Variants in AVIL observed in about 807,000 individuals in gnomAD.
AVIL encodes the protein advillin.
A neutral mutation model predicts 109.9 loss-of-function variants in AVIL; 78 were observed. That is an observed-to-expected ratio of 0.71 (90% CI 0.59 to 0.86). The LOEUF is 0.86. Ranked by LOEUF, AVIL falls within the 40% of genes least tolerant of loss-of-function variation. AVIL has a pLI of 0.00. For missense variants in AVIL, 892 were observed against 1,016.5 expected, an observed-to-expected ratio of 0.88 and a Z score of 1.67; for synonymous variants, 367 against 379.1, an observed-to-expected ratio of 0.97 and a Z score of 0.37.
chr12:57,807,235 C>A, intron 13 of AVIL, 96 bp downstream of exon 13: 1 of 1,565,154 alleles, frequency 6.4e-7, no homozygotes, highest in Non-Finnish European at 8.7e-7. Flanking sequence ...GCCTGACTCC[C>A]TACCCCACCC....
intron 13 of AVIL, among the ~76,000 whole-genome samples, chr12:57,807,086 C>T (rs1228864990): frequency 6.6e-6 from 1 of 152,134 alleles, no homozygotes; most frequent in African/African-American, 2.4e-5. Flanking sequence ...GGTGGTGCAC[C>T]TGCATAGGTA....
At chr12:57,802,885 C>A in intron 16 of AVIL, 1 of 539,464 alleles carries the variant, frequency 1.9e-6, no homozygotes, top group South Asian at 2.8e-5. Flanking sequence ...GTAGCTCTTA[C>A]TTGACCATGA....
Position 57,810,705 on chromosome 12 carries a change from A to G in AVIL, c.558+111T>C, listed in dbSNP as rs1008341040. 9.2e-6 allele frequency: 13 copies of G among 1,412,028 alleles called. No homozygotes were observed. The Admixed American group carries it at 2.1e-4, about 23-fold the overall frequency. The allele number at this position is 1,412,028 out of a possible 1,614,324, so 87.5% of individuals were successfully genotyped here. A position where few individuals can be genotyped will look rare whatever the true frequency, so the allele number is the denominator to read the frequency against. On this transcript the variant is annotated intron_variant, in intron 6 of 19. Coordinates refer to ENST00000549994, the MANE Select transcript of AVIL (RefSeq NM_006576.4). Reference sequence around the variant, plus strand: ...AAACTCACACACTTGGCCTGTCTCCAAGACAGATTCTACTCAAAGGCAGGG... The same window carrying G: ...AAACTCACACACTTGGCCTGTCTCCGAGACAGATTCTACTCAAAGGCAGGG...
chr12:57,797,915 C>T lies in AVIL; in HGVS notation c.2427G>A (p.Gln809=). The change falls in exon 20 of 20, where the codon CAG becomes CAA. Residue 809 remains glutamine (Q), a synonymous_variant. Coordinates refer to ENST00000549994, the MANE Select transcript of AVIL (RefSeq NM_006576.4). ...GQFAALPGWK[Q]LQMKKEKGLF ...GCCCCTTTTCTTTCTTCATTTGGAGCTGTTTCCAGCCAGGCAGAGCTGCAA... is the reference window on the plus strand; with the variant it reads ...GCCCCTTTTCTTTCTTCATTTGGAGTTGTTTCCAGCCAGGCAGAGCTGCAA... 6.2e-7 allele frequency: 1 copy of T among 1,612,184 alleles called. No individual in the cohort carries two copies. The highest frequency in any genetic ancestry group is 8.5e-7 in the Non-Finnish European group (1 of 1,178,962).
At chr12:57,814,054 A>C in intron 3 of AVIL, 98 bp downstream of exon 3, 2 of 1,293,376 alleles carry the variant, frequency 1.5e-6, no homozygotes, top group Non-Finnish European at 2.2e-6. Flanking sequence ...GACCGATACC[A>C]GGGACTGACT....
In AVIL at chr12:57,803,597, C is replaced by T; in HGVS notation, c.1744G>A (p.Val582Met). 2 of 1,614,150 alleles carry T rather than the reference C, an allele frequency of 1.2e-6. No homozygotes were observed. Among genetic ancestry groups the T allele is most frequent in the Non-Finnish European group, 1.7e-6 (2 of 1,180,028 alleles). Reference protein sequence around the residue: ...SLLCDGSENTVAEGQEPAEFW... With the variant: ...SLLCDGSENTMAEGQEPAEFW... Reference sequence around the variant, plus strand: ...TCGGCTGGCTCCTGGCCCTCGGCCACAGTGTTCTCGCTGCCATCACAGAGA... The same window carrying T: ...TCGGCTGGCTCCTGGCCCTCGGCCATAGTGTTCTCGCTGCCATCACAGAGA... Residue 582 changes from valine to methionine, a missense_variant, in exon 15 of 20, where the codon GTG (valine) becomes ATG (methionine). Val to Met is a conservative substitution (Grantham distance 21). Coordinates refer to ENST00000549994, the MANE Select transcript of AVIL (RefSeq NM_006576.4).
At chr12:57,813,106 G>A in intron 4 of AVIL, 121 bp downstream of exon 4, 1 of 1,257,758 alleles carries the variant, frequency 8.0e-7, no homozygotes. Flanking sequence ...GTGGGTGGAA[G>A]TGACAGCTTT....
rs752861727 is a variant in AVIL, at chr12:57,808,267, A to T, written c.1121T>A (p.Val374Glu). The T allele has an allele frequency of 7.7e-5, 124 of 1,614,198 alleles. No individual in the cohort carries two copies. The South Asian group carries it at 9.8e-4, about 13-fold the overall frequency. The change falls in exon 11 of 20, where the codon GTG becomes GAG. Residue 374 changes from valine (V) to glutamate (E), a missense_variant. Coordinates refer to ENST00000549994, the MANE Select transcript of AVIL (RefSeq NM_006576.4). ...CTCTGGCTTGGTGTGTAGCAGAGTCACATCAAATTTATCCTGGAAAACTTT... is the reference window on the plus strand; with the variant it reads ...CTCTGGCTTGGTGTGTAGCAGAGTCTCATCAAATTTATCCTGGAAAACTTT... ...IAKVFQDKFD[V>E]TLLHTKPEVA...
At chr12:57,809,317 G>A (rs548042497) in intron 9 of AVIL, 96 of 468,882 alleles carry the variant, frequency 2.0e-4, no homozygotes, top group Non-Finnish European at 3.0e-4. Flanking sequence ...CTTTACAAAT[G>A]ATATTTAATC....
At position 57,811,122 on chromosome 12, in the gene AVIL, T is replaced by G. The variant is rs1372003738; in HGVS notation, c.344A>C (p.Lys115Thr). The G allele has an allele frequency of 1.2e-6, 2 of 1,614,070 alleles. No homozygotes were observed. Among genetic ancestry groups the G allele is most frequent in the Non-Finnish European group, 1.7e-6 (2 of 1,179,964 alleles). Residue 115 changes from lysine to threonine, a missense_variant, in exon 5 of 20, where the codon AAG (lysine) becomes ACG (threonine). By Grantham distance (78) the Lys-to-Thr change is moderately conservative. Transcript: ENST00000549994. Reference protein sequence around the residue: ...RGYFKQGIIYKQGGVASGMKH... With the variant: ...RGYFKQGIIYTQGGVASGMKH... Reference sequence around the variant, plus strand: ...CATCCCAGAGGCGACACCCCCCTGCTTGTAGCTAAGGGAACATCCATTCAG... The same window carrying G: ...CATCCCAGAGGCGACACCCCCCTGCGTGTAGCTAAGGGAACATCCATTCAG...
At position 57,803,385 on chromosome 12, in the gene AVIL, C is replaced by T; in HGVS notation, c.1824G>A (p.Gln608=). The change falls in exon 16 of 20, where the codon CAG becomes CAA. Residue 608 remains glutamine (Q), a synonymous_variant. Transcript: ENST00000549994. ...KTPYANDKRL[Q]QEILDVQSRL... ...GAGACTGGACATCTAGGATTTCCTG[C>T]TGAAGTCTGCAATATAGTCCATTTA... is the stretch of plus-strand genomic sequence containing the variant. 1 of 1,614,164 alleles carries T rather than the reference C, an allele frequency of 6.2e-7. No individual in the cohort carries two copies. Among genetic ancestry groups the T allele is most frequent in the East Asian group, 2.2e-5 (1 of 44,886 alleles).
At chr12:57,798,674 T>C (rs947182933) in intron 19 of AVIL, among the ~76,000 whole-genome samples, 1 of 151,720 alleles carries the variant, frequency 6.6e-6, no homozygotes, top group South Asian at 2.1e-4. Flanking sequence ...TGGAGTACAG[T>C]GGCACAATCT....
Position 57,801,180 on chromosome 12 carries a change from CTCT to C in AVIL, c.2181_2183del (p.Glu728del), listed in dbSNP as rs757576235. The C allele has an allele frequency of 1.5e-5, 25 of 1,613,708 alleles. No homozygotes were observed. The South Asian group carries it at 2.2e-4, about 14-fold the overall frequency. Reference sequence around the variant, plus strand: ...GCATGATAGCAGCAGCATCTCCCAGCTCTTCTTTTAATTGTTCATATGTTTTTC... The same window carrying C: ...GCATGATAGCAGCAGCATCTCCCAGCTCTTTTAATTGTTCATATGTTTTTC... On this transcript the variant is annotated inframe_deletion, in exon 18 of 20. Transcript: ENST00000549994.
At chr12:57,808,582 T>C in intron 9 of AVIL, 34 bp from the exon 10 acceptor site, 1 of 1,610,780 alleles carries the variant, frequency 6.2e-7, no homozygotes, top group Non-Finnish European at 8.5e-7. Context: ...GGCAGGTCAG[T>C]GGTGGAATAC....
At chr12:57,812,892 A>G (rs1956055098) in intron 4 of AVIL, among the ~76,000 whole-genome samples, 1 of 152,188 alleles carries the variant, frequency 6.6e-6, no homozygotes, top group African/African-American at 2.4e-5. Flanking sequence ...TGCTATGAAC[A>G]GTCTGGTCCA....
Position 57,810,946 on chromosome 12 carries a change from A to T in AVIL, c.448-20T>A. On this transcript the variant is annotated intron_variant, in intron 5 of 19. Coordinates refer to ENST00000549994, the MANE Select transcript of AVIL (RefSeq NM_006576.4). Reference sequence around the variant, plus strand: ...TTCCACCTGTCGATGAGAGGTAAACATTGTTCAGGAGGAATTCTTAGGTGC... The same window carrying T: ...TTCCACCTGTCGATGAGAGGTAAACTTTGTTCAGGAGGAATTCTTAGGTGC... 6.2e-7 allele frequency: 1 copy of T among 1,613,972 alleles called. No individual in the cohort carries two copies.
chr12:57,814,334 G>A, intron 2 of AVIL, 108 bp from the exon 3 acceptor site: 1 of 1,127,556 alleles, frequency 8.9e-7, no homozygotes, highest in Non-Finnish European at 1.3e-6. Context: ...AGAAGGAGGG[G>A]AGATGTTCTC....
Position 57,814,239 on chromosome 12 carries a change from G to A in AVIL, c.67-13C>T. 6.2e-7 allele frequency: 1 copy of A among 1,610,034 alleles called. No homozygotes were observed. On this transcript the variant is annotated splice_polypyrimidine_tract_variant and intron_variant, in intron 2 of 19. Coordinates refer to ENST00000549994, the MANE Select transcript of AVIL (RefSeq NM_006576.4). ...CCAGCTCCATTTTCTGGAAGGACAA[G>A]GGGTGGGTATAGGCTACATCCCCTC... is the stretch of plus-strand genomic sequence containing the variant.
rs781638853 is a variant in AVIL, at chr12:57,806,431, C to T, written c.1600G>A (p.Ala534Thr). 1.9e-6 allele frequency: 3 copies of T among 1,613,934 alleles called. 1 individual carries two copies. The South Asian group carries it at 3.3e-5, about 18-fold the overall frequency. The change falls in exon 14 of 20, where the codon GCC (alanine) becomes ACC (threonine). Residue 534 changes from alanine to threonine, a missense_variant. Transcript: ENST00000549994. ...ACATCATTGGAGTTTAGGGAGGAGG[C>T]AAAGGCTGGAACTTCCACTGCTTTG... is the stretch of plus-strand genomic sequence containing the variant. ...NTKAVEVPAF[A>T]SSLNSNDVFL...
Sources: gnomAD v4.1 joint callset for allele counts (sites outside exome capture counted in the v4.1 genomes callset) on GRCh38, gnomAD v4.1.1 for gene constraint, MANE v1.5 for transcripts, NCBI Gene and HGNC (gene_info 2026-07-23, HGNC 2026-07-21) for gene names.